Variants in GEN1 observed in about 807,000 individuals in gnomAD.
GEN1 encodes the protein flap endonuclease GEN homolog 1.
Under a neutral mutation model 67.6 loss-of-function variants are expected in GEN1, and 64 were observed. That is an observed-to-expected ratio of 0.95 (90% CI 0.77 to 1.17). The LOEUF is 1.17. Ranked by LOEUF, GEN1 falls within the 50% of genes most tolerant of loss-of-function variation. The pLI is 0.00. For missense variants in GEN1, 1,058 were observed against 1,048.3 expected (o/e 1.01, Z -0.13); for synonymous variants, 371 against 359.4 (o/e 1.03, Z -0.37).
In GEN1 at chr2:17,784,281, C is replaced by T. The variant is rs1672976886; in HGVS notation, c.*2342C>T. ...GAAAATGCAAATCAAAACCACAAGACACCCAATGTCTACAATCAAAAAGAT... is the reference window on the plus strand; with the variant it reads ...GAAAATGCAAATCAAAACCACAAGATACCCAATGTCTACAATCAAAAAGAT... On this transcript the variant is annotated 3_prime_UTR_variant, in exon 14 of 14. Coordinates refer to ENST00000381254, the MANE Select transcript of GEN1 (RefSeq NM_001130009.3). 1 of 152,158 alleles carries T rather than the reference C, an allele frequency of 6.6e-6. No homozygotes were observed. Among genetic ancestry groups the T allele is most frequent in the African/African-American group, 2.4e-5 (1 of 41,424 alleles). The allele number at this position is 152,158 out of a possible 1,614,324, so 9.4% of individuals were successfully genotyped here. A position where few individuals can be genotyped will look rare whatever the true frequency, so the allele number is the denominator to read the frequency against.
At chr2:17,771,139 T>TA (rs1427930996) in intron 6 of GEN1, 57 bp from the exon 7 acceptor site, 4 of 959,464 alleles carry the variant, frequency 4.2e-6, no homozygotes, top group Non-Finnish European at 1.7e-6. Context: ...TTTGAGAACA[T>TA]ACCGTTTTTG....
chr2:17,753,350 G>A (rs1335865972), upstream of GEN1, among the ~76,000 whole-genome samples: 2 of 152,224 alleles, frequency 1.3e-5, no homozygotes, highest in East Asian at 3.9e-4. Context: ...GGAGGGGACG[G>A]CCGCCTGGGA....
upstream of GEN1, chr2:17,753,688 C>T (rs1413870289): frequency 6.6e-6 from 1 of 152,222 alleles, no homozygotes; most frequent in African/African-American, 2.4e-5. Flanking sequence ...TACGACCGGC[C>T]GCTAAGGCCA....
At chr2:17,765,948 A>AATAT (rs10607623) in intron 4 of GEN1, among the ~76,000 whole-genome samples, 6,734 of 148,984 alleles carry the variant, frequency 0.045, 241 homozygotes, top group Non-Finnish European at 0.063. Context: ...TACTTTCTAT[A>AATAT]ATATATATAT....
chr2:17,780,019 T>G lies in GEN1; in HGVS notation c.1306T>G (p.Leu436Val). The change falls in exon 13 of 14, where the codon TTA becomes GTA. Residue 436 changes from leucine to valine, a missense_variant. Physicochemically the swap from Leu to Val is conservative, Grantham distance 32. Transcript: ENST00000381254. The stretch of plus-strand genomic sequence containing the variant: ...AGATAAACAACATGGAGAATTTGCT[T>G]TATTAACAATTGAGGAAGAATCATT... ...MEDKQHGEFA[L>V]LTIEEESLFE... The G allele has an allele frequency of 6.2e-7, 1 of 1,602,308 alleles. No homozygotes were observed. Among genetic ancestry groups the G allele is most frequent in the Non-Finnish European group, 8.6e-7 (1 of 1,169,426 alleles).
intron 1 of GEN1, chr2:17,754,968 A>G (rs997235534): frequency 1.3e-5 from 2 of 152,142 alleles, no homozygotes; most frequent in Admixed American, 1.3e-4. Flanking sequence ...CCTACTTTTC[A>G]TACTCCAAAA....
Position 17,778,292 on chromosome 2 carries a change from G to A in GEN1, c.1264+229G>A, listed in dbSNP as rs147807270. ...TACATATATGTATATACACACACAT[G>A]TGTGTGTACATATATGTATATACAC... On this transcript the variant is annotated intron_variant, in intron 12 of 13. Coordinates refer to ENST00000381254, the MANE Select transcript of GEN1 (RefSeq NM_001130009.3). Among the ~76,000 whole-genome samples, 964 of 94,056 alleles carry A rather than the reference G, an allele frequency of 0.01. 178 individuals carry two copies. The highest frequency in any genetic ancestry group is 0.029 in the African/African-American group (466 of 16,126). The allele number at this position is 94,056 out of a possible 152,430, so 61.7% of individuals were successfully genotyped here.
chr2:17,766,258 C>T (rs1347559951), intron 4 of GEN1, among the ~76,000 whole-genome samples: 2 of 152,204 alleles, frequency 1.3e-5, no homozygotes, highest in Non-Finnish European at 2.9e-5. Context: ...ACCTCCTCCT[C>T]CTGGCTTCAA....
At position 17,781,607 on chromosome 2, in the gene GEN1, A is replaced by C; in HGVS notation, c.2395A>C (p.Arg799=). 1 of 1,614,068 alleles carries C rather than the reference A, an allele frequency of 6.2e-7. No homozygotes were observed. Among genetic ancestry groups the C allele is most frequent in the East Asian group, 2.2e-5 (1 of 44,862 alleles). Residue 799 remains arginine, a synonymous_variant, in exon 14 of 14, where the codon AGA becomes CGA. Coordinates refer to ENST00000381254, the MANE Select transcript of GEN1 (RefSeq NM_001130009.3). The part of the protein sequence containing the change: ...ILMKKSVCLD[R]HSSDEQSAPV... Reference sequence around the variant, plus strand: ...AATGAAGAAGAGTGTTTGCCTTGACAGACATTCCTCTGATGAACAAAGTGC... The same window carrying C: ...AATGAAGAAGAGTGTTTGCCTTGACCGACATTCCTCTGATGAACAAAGTGC...
At chr2:17,753,415 C>A (rs1671193713), upstream of GEN1, among the ~76,000 whole-genome samples, 1 of 72,926 alleles carries the variant, frequency 1.4e-5, no homozygotes, top group Admixed American at 1.1e-4. Context: ...ACCGGTGCCG[C>A]CTCGGAGAGC....
chr2:17,772,635 T>G lies in GEN1; in HGVS notation c.804T>G (p.Gly268=). 1 of 1,602,814 alleles carries G rather than the reference T, an allele frequency of 6.2e-7. No homozygotes were observed. Residue 268 remains glycine, a splice_region_variant and synonymous_variant, in exon 8 of 14, where the codon GGT becomes GGG. Coordinates refer to ENST00000381254, the MANE Select transcript of GEN1 (RefSeq NM_001130009.3). ...LAHCSVCSHP[G]SPKDHERNGC... ...TACTTTTTTTGGGTCTCCATAAAGG[T>G]TCACCTAAGGATCATGAACGTAATG...
At chr2:17,774,223 G>T in intron 10 of GEN1, 48 bp from the exon 11 acceptor site, 1 of 1,123,922 alleles carries the variant, frequency 8.9e-7, no homozygotes. Context: ...AGTGCTATTT[G>T]TCTCCAAGAG....
At chr2:17,774,246 T>A in intron 10 of GEN1, 25 bp from the exon 11 acceptor site, 1 of 1,349,216 alleles carries the variant, frequency 7.4e-7, no homozygotes, top group South Asian at 1.5e-5. Context: ...AACAAAATCT[T>A]GTTTTATTTT....
intron 1 of GEN1, among the ~76,000 whole-genome samples, chr2:17,758,399 T>C (rs1401670948): frequency 2.0e-5 from 3 of 152,224 alleles, no homozygotes; most frequent in Non-Finnish European, 1.5e-5. Context: ...CTCAGACTTT[T>C]GGTTTAATGT....
In GEN1 at chr2:17,772,717, T is replaced by C. The variant is rs1395458152; in HGVS notation, c.886T>C (p.Cys296Arg). The C allele has an allele frequency of 6.2e-7, 1 of 1,611,960 alleles. No homozygotes were observed. The highest frequency in any genetic ancestry group is 8.5e-7 in the Non-Finnish European group (1 of 1,178,514). Residue 296 changes from cysteine to arginine, a missense_variant, in exon 8 of 14, where the codon TGT becomes CGT. Coordinates refer to ENST00000381254, the MANE Select transcript of GEN1 (RefSeq NM_001130009.3). The part of the protein sequence containing the change: ...YCEPHDYEYC[C>R]PCEWHRTEHD... ...TGAGCCACATGACTATGAATACTGC[T>C]GTCCTTGTGAGTGGCACCGTACAGA...
In GEN1 at chr2:17,760,171, T is replaced by C. The variant is rs555672034; in HGVS notation, c.161+67T>C. ...ACAGTCTTGGTATCTTGATTTTGTT[T>C]CACCTTTTTTTTTCTTTTGTTGTTG... On this transcript the variant is annotated intron_variant, in intron 2 of 13. Transcript: ENST00000381254. 3 of 1,437,860 alleles carry C rather than the reference T, an allele frequency of 2.1e-6. No individual in the cohort carries two copies. In the African/African-American group the frequency reaches 4.3e-5, roughly 21 times the overall value. The allele number at this position is 1,437,860 out of a possible 1,614,324, so 89.1% of individuals were successfully genotyped here.
chr2:17,781,823 A>T lies in GEN1; in HGVS notation c.2611A>T (p.Thr871Ser), dbSNP rs891315782. Residue 871 changes from threonine (T) to serine (S), a missense_variant, in exon 14 of 14, where the codon ACA becomes TCA. Coordinates refer to ENST00000381254, the MANE Select transcript of GEN1 (RefSeq NM_001130009.3). ...TGAAGAAAGCTGTTTCCCAGATTCA[A>T]CAAAAAGTTCTCTGAGTTCTCTACA... ...ENEESCFPDS[T>S]KSSLSSLQCH... is the part of the protein sequence containing the mutation. 9 of 1,612,528 alleles carry T rather than the reference A, an allele frequency of 5.6e-6. No individual in the cohort carries two copies. The highest frequency in any genetic ancestry group is 7.6e-6 in the Non-Finnish European group (9 of 1,179,406).
chr2:17,768,892 G>A (rs1672054317), intron 6 of GEN1, 81 bp downstream of exon 6: 3 of 762,914 alleles, frequency 3.9e-6, no homozygotes, highest in African/African-American at 1.8e-5. Flanking sequence ...GGAAACAATT[G>A]TTTTCCAAAA....
chr2:17,769,917 A>C (rs548310587), intron 6 of GEN1, among the ~76,000 whole-genome samples: 3 of 152,314 alleles, frequency 2.0e-5, no homozygotes, highest in African/African-American at 7.2e-5. Context: ...CCTGAAAAAA[A>C]TGTTAAGAGG....
Sources: gnomAD v4.1 joint callset for allele counts (sites outside exome capture counted in the v4.1 genomes callset) on GRCh38, gnomAD v4.1.1 for gene constraint, MANE v1.5 for transcripts, NCBI Gene and HGNC (gene_info 2026-07-23, HGNC 2026-07-21) for gene names.